The following SAMTOR variants were observed in gnomAD, a reference collection of about 807,000 sequenced individuals.
SAMTOR encodes the protein UPF0532 protein C7orf60.
the SAMTOR span, among the ~76,000 whole-genome samples, chr7:112,855,014 C>T: frequency 2.6e-5 from 4 of 152,218 alleles, no homozygotes; most frequent in South Asian, 4.1e-4. Context: ...ACAATGACAG[C>T]GGCCACTGCA....
the SAMTOR span, among the ~76,000 whole-genome samples, chr7:112,852,012 C>A: frequency 6.6e-6 from 1 of 152,008 alleles, no homozygotes; most frequent in African/African-American, 2.4e-5. Context: ...GGATTCCCAC[C>A]ACACAATTGG....
the SAMTOR span, among the ~76,000 whole-genome samples, chr7:112,840,928 T>C: frequency 2.5e-4 from 31 of 124,976 alleles, no homozygotes; most frequent in Admixed American, 7.1e-4. Flanking sequence ...TGGTGGAACA[T>C]ATCTCAAAAT....
At chr7:112,892,575 C>T in the SAMTOR span, among the ~76,000 whole-genome samples, 10 of 152,088 alleles carry the variant, frequency 6.6e-5, no homozygotes, top group Middle Eastern at 0.02. Context: ...TTGAGACCTG[C>T]CTGGGCAATA....
At chr7:112,934,336 T>G in the SAMTOR span, among the ~76,000 whole-genome samples, 3 of 152,216 alleles carry the variant, frequency 2.0e-5, no homozygotes, top group African/African-American at 7.2e-5. Context: ...TTCCAAAGGA[T>G]AGATTGCAAA....
At chr7:112,907,594 A>C in the SAMTOR span, among the ~76,000 whole-genome samples, 2 of 151,976 alleles carry the variant, frequency 1.3e-5, no homozygotes, top group Non-Finnish European at 2.9e-5. Flanking sequence ...AGCTCCAAAA[A>C]AATCAAGAAA....
chr7:112,890,889 C>A, the SAMTOR span, among the ~76,000 whole-genome samples: 1 of 152,100 alleles, frequency 6.6e-6, no homozygotes, highest in Middle Eastern at 3.4e-3. Context: ...CAGGTTTTGT[C>A]ATGTTGTCCA....
the SAMTOR span, among the ~76,000 whole-genome samples, chr7:112,912,554 T>G: frequency 6.6e-6 from 1 of 152,064 alleles, no homozygotes; most frequent in Non-Finnish European, 1.5e-5. Context: ...AGAAAAAAAC[T>G]GCATATAGCT....
chr7:112,876,102 A>C, the SAMTOR span, among the ~76,000 whole-genome samples: 4 of 152,138 alleles, frequency 2.6e-5, no homozygotes, highest in Admixed American at 1.3e-4. Flanking sequence ...CTGGGACTAC[A>C]GGCACATGCC....
the SAMTOR span, among the ~76,000 whole-genome samples, chr7:112,892,620 A>C: frequency 0.017 from 2,626 of 152,054 alleles, 78 homozygotes; most frequent in African/African-American, 0.06. Context: ...AATTTTAAAA[A>C]AGTTAGCTGG....
At chr7:112,914,326 T>C in the SAMTOR span, among the ~76,000 whole-genome samples, 23 of 150,372 alleles carry the variant, frequency 1.5e-4, no homozygotes, top group South Asian at 4.2e-4. Flanking sequence ...GTTTGTTATA[T>C]AGGTAAATTG....
the SAMTOR span, among the ~76,000 whole-genome samples, chr7:112,828,226 G>A: frequency 6.6e-6 from 1 of 152,202 alleles, no homozygotes; most frequent in Non-Finnish European, 1.5e-5. Flanking sequence ...AAAGTACCAT[G>A]AACTGGGTGG....
chr7:112,833,502 C>T, the SAMTOR span, among the ~76,000 whole-genome samples: 2 of 152,248 alleles, frequency 1.3e-5, no homozygotes, highest in East Asian at 1.9e-4. Context: ...CATATCATTG[C>T]TCACTATTAC....
chr7:112,907,480 A>C, the SAMTOR span, among the ~76,000 whole-genome samples: 1 of 152,152 alleles, frequency 6.6e-6, no homozygotes, highest in Non-Finnish European at 1.5e-5. Flanking sequence ...GGAAGCAATA[A>C]AACAGAAGAC....
the SAMTOR span, among the ~76,000 whole-genome samples, chr7:112,879,909 T>C: frequency 6.6e-6 from 1 of 152,188 alleles, no homozygotes; most frequent in African/African-American, 2.4e-5. Context: ...ATTTTACATA[T>C]AAGTCTAGTT....
the SAMTOR span, among the ~76,000 whole-genome samples, chr7:112,848,625 A>C: frequency 1.3e-5 from 2 of 152,204 alleles, no homozygotes; most frequent in African/African-American, 4.8e-5. Context: ...GTGGAGAGTA[A>C]AGGAGAAGAC....
the SAMTOR span, among the ~76,000 whole-genome samples, chr7:112,840,616 A>G: frequency 6.6e-6 from 1 of 151,822 alleles, no homozygotes; most frequent in Non-Finnish European, 1.5e-5. Context: ...TATCTGGATG[A>G]TAATGTTTCC....
the SAMTOR span, among the ~76,000 whole-genome samples, chr7:112,885,041 G>A: frequency 6.6e-6 from 1 of 152,230 alleles, no homozygotes; most frequent in African/African-American, 2.4e-5. Context: ...CCATGTGGAA[G>A]CCTTCAAGTC....
chr7:112,900,874 C>T, the SAMTOR span, among the ~76,000 whole-genome samples: 1 of 152,168 alleles, frequency 6.6e-6, no homozygotes, highest in African/African-American at 2.4e-5. Flanking sequence ...ATAGACCTTA[C>T]ACCTTTGACA....
chr7:112,897,972 C>T, the SAMTOR span, among the ~76,000 whole-genome samples: 2 of 152,182 alleles, frequency 1.3e-5, no homozygotes, highest in African/African-American at 4.8e-5. Flanking sequence ...CGGCAGTACA[C>T]CCCAGAGAGA....
Sources: allele counts gnomAD v4.1 joint callset (sites outside exome capture counted in the v4.1 genomes callset), GRCh38; gene constraint gnomAD v4.1.1; transcripts MANE v1.5; gene names NCBI Gene and HGNC (gene_info 2026-07-23, HGNC 2026-07-21).